Variants in GALNTL6 observed in about 807,000 individuals in gnomAD.
GALNTL6 encodes the protein polypeptide N-acetylgalactosaminyltransferase like 6, also known as polypeptide N-acetylgalactosaminyltransferase-like 6.
In GALNTL6, 46 loss-of-function variants were observed where a neutral mutation model predicts 73.7. That is an observed-to-expected ratio of 0.62 (90% CI 0.49 to 0.80). GALNTL6 has a LOEUF of 0.80. GALNTL6 is among the 30% of genes least tolerant of loss of function. GALNTL6 has a pLI of 0.00. For missense variants in GALNTL6, 604 were observed against 755.0 expected, an observed-to-expected ratio of 0.80 and a Z score of 2.34; for synonymous variants, 259 against 263.7, an observed-to-expected ratio of 0.98 and a Z score of 0.17.
intron 5 of GALNTL6, among the ~76,000 whole-genome samples, chr4:172,496,148 T>C (rs1454737223): frequency 1.3e-5 from 2 of 152,160 alleles, no homozygotes; most frequent in Non-Finnish European, 2.9e-5. Context: ...AAAGTGTAGA[T>C]GGAAATGTGA....
chr4:172,799,885 A>G (rs1267982168), intron 5 of GALNTL6, among the ~76,000 whole-genome samples: 1 of 152,204 alleles, frequency 6.6e-6, no homozygotes, highest in Non-Finnish European at 1.5e-5. Flanking sequence ...CCAACTGATG[A>G]ATGGATAAAC....
At chr4:172,811,194 A>G (rs1741280619) in intron 6 of GALNTL6, among the ~76,000 whole-genome samples, 1 of 152,178 alleles carries the variant, frequency 6.6e-6, no homozygotes, top group Admixed American at 6.5e-5. Context: ...ATTATACCTG[A>G]ATTTCAGTTT....
chr4:173,030,440 C>T (rs1469079626), intron 12 of GALNTL6, among the ~76,000 whole-genome samples: 2 of 152,072 alleles, frequency 1.3e-5, no homozygotes, highest in Admixed American at 6.6e-5. Context: ...CTGATCACTC[C>T]GAAATAGAAA....
intron 2 of GALNTL6, among the ~76,000 whole-genome samples, chr4:172,126,430 C>G (rs1733295172): frequency 6.6e-6 from 1 of 152,154 alleles, no homozygotes; most frequent in South Asian, 2.1e-4. Flanking sequence ...TAATCACACT[C>G]TGAGTAGATC....
At chr4:172,145,888 C>T (rs1415817839) in intron 2 of GALNTL6, among the ~76,000 whole-genome samples, 3 of 152,062 alleles carry the variant, frequency 2.0e-5, no homozygotes, top group Non-Finnish European at 4.4e-5. Flanking sequence ...ATGACATGAA[C>T]ACCCATTGAA....
At chr4:171,883,426 G>A (rs1443076991) in intron 2 of GALNTL6, among the ~76,000 whole-genome samples, 1 of 152,000 alleles carries the variant, frequency 6.6e-6, no homozygotes, top group African/African-American at 2.4e-5. Context: ...TCAGTTCATT[G>A]ATGTGCTCCC....
chr4:172,439,327 A>G (rs1731747224), intron 5 of GALNTL6, among the ~76,000 whole-genome samples: 1 of 151,916 alleles, frequency 6.6e-6, no homozygotes, highest in African/African-American at 2.4e-5. Context: ...TAAACATAGT[A>G]CCTAATTCTC....
intron 2 of GALNTL6, among the ~76,000 whole-genome samples, chr4:171,952,121 G>A (rs1738902408): frequency 6.6e-6 from 1 of 152,010 alleles, no homozygotes; most frequent in Admixed American, 6.6e-5. Flanking sequence ...TTGGAATGGA[G>A]ATAAACTAGT....
intron 5 of GALNTL6, among the ~76,000 whole-genome samples, chr4:172,544,589 C>T (rs1175521201): frequency 6.6e-6 from 1 of 152,110 alleles, no homozygotes; most frequent in Non-Finnish European, 1.5e-5. Context: ...TATTATTTGT[C>T]TTCCTCTTCT....
intron 12 of GALNTL6, among the ~76,000 whole-genome samples, chr4:173,036,193 C>G (rs1753688867): frequency 6.6e-6 from 1 of 152,146 alleles, no homozygotes; most frequent in Non-Finnish European, 1.5e-5. Flanking sequence ...TCTCCGCCCC[C>G]TATGTGGTAG....
At chr4:172,501,678 T>G (rs396235) in intron 5 of GALNTL6, among the ~76,000 whole-genome samples, 150,816 of 152,208 alleles carry the variant, frequency 0.99, 74,740 homozygotes, top group Middle Eastern at 1. Flanking sequence ...ACAATATACT[T>G]GGATGCCATC....
chr4:172,110,420 AC>A (rs1732819731), intron 2 of GALNTL6, among the ~76,000 whole-genome samples: 1 of 152,152 alleles, frequency 6.6e-6, no homozygotes, highest in African/African-American at 2.4e-5. Flanking sequence ...CTGTGGAAAA[AC>A]CTGTTTGGAG....
At chr4:172,628,534 C>T (rs1202602475) in intron 5 of GALNTL6, among the ~76,000 whole-genome samples, 1 of 151,148 alleles carries the variant, frequency 6.6e-6, no homozygotes, top group Non-Finnish European at 1.5e-5. Flanking sequence ...GCATTCAAGA[C>T]CAGCCTATTC....
chr4:172,128,932 CT>C (rs1411968893), intron 2 of GALNTL6, among the ~76,000 whole-genome samples: 3 of 152,162 alleles, frequency 2.0e-5, no homozygotes, highest in Admixed American at 2.0e-4. Flanking sequence ...AGATTTTGGC[CT>C]GTTTGATTTG....
intron 2 of GALNTL6, among the ~76,000 whole-genome samples, chr4:172,094,688 T>C (rs923165639): frequency 3.3e-5 from 5 of 152,130 alleles, no homozygotes; most frequent in African/African-American, 1.2e-4. Flanking sequence ...TATAGATTCT[T>C]ATTCTCTTCA....
intron 2 of GALNTL6, among the ~76,000 whole-genome samples, chr4:171,903,482 C>T (rs572654762): frequency 1.1e-3 from 170 of 152,048 alleles, no homozygotes; most frequent in Non-Finnish European, 1.6e-3. Context: ...TCACGTGGCT[C>T]GGAGGGTCCC....
At chr4:172,581,195 T>C (rs1005061232) in intron 5 of GALNTL6, among the ~76,000 whole-genome samples, 19 of 152,204 alleles carry the variant, frequency 1.2e-4, no homozygotes, top group Non-Finnish European at 2.5e-4. Context: ...AAAGTAAAGA[T>C]AAACATATAT....
chr4:172,069,585 A>AACACATGTGT lies in GALNTL6; in HGVS notation c.139-160071_139-160070insACACATGTGT, dbSNP rs1553989818. ...ATATAACACATATATGTTATATATTATATATATAACACATATATGTTATAT... is the reference window on the plus strand; with the variant it reads ...ATATAACACATATATGTTATATATTAACACATGTGTTATATATAACACATATATGTTATAT... On this transcript the variant is annotated intron_variant, in intron 2 of 12. Transcript: ENST00000506823. Among the ~76,000 whole-genome samples, 2 of 23,416 alleles carry AACACATGTGT rather than the reference A, an allele frequency of 8.5e-5. 1 individual carries two copies. The highest frequency in any genetic ancestry group is 9.1e-4 in the Admixed American group (2 of 2,192). 15.4% of individuals were successfully genotyped at this position (23,416 alleles called of 152,430 possible).
At chr4:172,079,348 T>G (rs1429773311) in intron 2 of GALNTL6, among the ~76,000 whole-genome samples, 1 of 152,134 alleles carries the variant, frequency 6.6e-6, no homozygotes, top group Non-Finnish European at 1.5e-5. Flanking sequence ...TCATACTTAT[T>G]TAACCAAGCC....
Sources: allele counts gnomAD v4.1 joint callset (sites outside exome capture counted in the v4.1 genomes callset), GRCh38; gene constraint gnomAD v4.1.1; transcripts MANE v1.5; gene names NCBI Gene and HGNC (gene_info 2026-07-23, HGNC 2026-07-21).